The following COPE variants were observed in gnomAD, a reference collection of about 807,000 sequenced individuals.
COPE encodes the protein coat protein complex I subunit epsilon, also known as coatomer subunit epsilon.
In COPE, 19 loss-of-function variants were observed where a neutral mutation model predicts 42.1. The observed-to-expected ratio is 0.45, with a 90% CI of 0.31 to 0.66. COPE has a LOEUF of 0.66. Among genes scored for constraint, COPE ranks in the 30% least tolerant of loss-of-function variants. The probability of loss-of-function intolerance (pLI) is 0.05; values close to 1 mark genes in which losing one functional copy is unlikely to be tolerated. For synonymous variants in COPE, 195 were observed against 181.3 expected (o/e 1.08, Z -0.60); for missense variants, 402 against 416.1 (o/e 0.97, Z 0.30).
chr19:18,907,318 C>T (rs2056770134), intron 3 of COPE, among the ~76,000 whole-genome samples: 1 of 152,088 alleles, frequency 6.6e-6, no homozygotes, highest in African/African-American at 2.4e-5. Context: ...AGGCAAGGAC[C>T]CGAGGCCGGG....
In COPE at chr19:18,904,872, CAG is replaced by C; in HGVS notation, c.498-22_498-21del. On this transcript the variant is annotated intron_variant, in intron 5 of 9. Transcript: ENST00000262812. Reference sequence around the variant, plus strand: ...TCCTTCCTGGGGCGGGGACAGATGACAGAGGGGCTGAGTGGCCGAGGGCCCTG... The same window carrying C: ...TCCTTCCTGGGGCGGGGACAGATGACAGGGGCTGAGTGGCCGAGGGCCCTG... 2 of 1,551,170 alleles carry C rather than the reference CAG, an allele frequency of 1.3e-6. No homozygotes were observed. The highest frequency in any genetic ancestry group is 1.7e-6 in the Non-Finnish European group (2 of 1,146,692).
intron 3 of COPE, chr19:18,910,642 G>A (rs2056800712): frequency 6.1e-6 from 2 of 329,286 alleles, no homozygotes; most frequent in Non-Finnish European, 1.2e-5. Flanking sequence ...GCCCTGGGCT[G>A]TCTTGGGGCT....
chr19:18,906,086 G>A (rs1342820574), intron 4 of COPE: 2 of 400,854 alleles, frequency 5.0e-6, no homozygotes, highest in Non-Finnish European at 8.8e-6. Flanking sequence ...CTGTGACCAC[G>A]AATTACTCGT....
At chr19:18,903,605 A>C (rs2056730244) in intron 6 of COPE, among the ~76,000 whole-genome samples, 182 bp from the exon 7 acceptor site, 1 of 152,100 alleles carries the variant, frequency 6.6e-6, no homozygotes, top group African/African-American at 2.4e-5. Context: ...GATGGGGCCT[A>C]AAGACTCGTG....
chr19:18,902,391 G>C (rs150489436), intron 7 of COPE, among the ~76,000 whole-genome samples: 1 of 150,502 alleles, frequency 6.6e-6, no homozygotes, highest in African/African-American at 2.4e-5. Context: ...ATGGCCAGGC[G>C]TGGTGGCTCA....
chr19:18,906,039 G>A lies in COPE; in HGVS notation c.444-410C>T. 4 of 413,318 alleles carry A rather than the reference G, an allele frequency of 9.7e-6. No homozygotes were observed. The South Asian group carries it at 3.6e-4, about 37-fold the overall frequency. The allele number at this position is 413,318 out of a possible 1,614,324, so 25.6% of individuals were successfully genotyped here. A position where few individuals can be genotyped will look rare whatever the true frequency, so the allele number is the denominator to read the frequency against. ...CCCTGGGGCCACCCACTCTCTGCAG[G>A]CCCCCTCGTCCCCTCATCCCTCTCA... is the stretch of plus-strand genomic sequence containing the variant. On this transcript the variant is annotated intron_variant, in intron 4 of 9. Coordinates refer to ENST00000262812, the MANE Select transcript of COPE (RefSeq NM_007263.4).
At chr19:18,905,488 C>A in intron 5 of COPE, 88 bp downstream of exon 5, 2 of 1,310,528 alleles carry the variant, frequency 1.5e-6, no homozygotes, top group East Asian at 2.5e-5. Context: ...GTAATGACAG[C>A]ACCACAGACG....
rs1266358656 is a variant in COPE, at chr19:18,899,532, A to G, written c.*147T>C. 3 of 722,910 alleles carry G rather than the reference A, an allele frequency of 4.1e-6. No homozygotes were observed. The highest frequency in any genetic ancestry group is 7.0e-6 in the Non-Finnish European group (3 of 426,202). 44.8% of individuals were successfully genotyped at this position (722,910 alleles called of 1,614,324 possible). ...CACATCATCAGGTGGAACACCCTGG[A>G]GTTGAGATATTTATTAACAGATGGG... On this transcript the variant is annotated 3_prime_UTR_variant, in exon 10 of 10. Transcript: ENST00000262812.
At chr19:18,918,966 G>A (rs563814840) in intron 1 of COPE, among the ~76,000 whole-genome samples, 235 of 152,328 alleles carry the variant, frequency 1.5e-3, no homozygotes, top group South Asian at 3.1e-3. Flanking sequence ...TCACTACAGT[G>A]GCATAAACAC....
At chr19:18,919,103 G>C in intron 1 of COPE, 120 bp downstream of exon 1, 1 of 1,010,298 alleles carries the variant, frequency 9.9e-7, no homozygotes, top group Non-Finnish European at 1.5e-6. Context: ...TGTGGAAGAG[G>C]TGGCCCAAAA....
At chr19:18,900,501 T>C in intron 7 of COPE, 52 bp from the exon 8 acceptor site, 1 of 1,426,880 alleles carries the variant, frequency 7.0e-7, no homozygotes, top group African/African-American at 1.4e-5. Context: ...CCAGCCCCCA[T>C]GCCTGCCCGT....
In COPE at chr19:18,912,976, G is replaced by A. The variant is rs779132915; in HGVS notation, c.189+8C>T. 38 of 1,611,056 alleles carry A rather than the reference G, an allele frequency of 2.4e-5. No homozygotes were observed. Among genetic ancestry groups the A allele is most frequent in the Admixed American group, 1.3e-4 (8 of 59,992 alleles). Reference sequence around the variant, plus strand: ...TCACTCTTGCCCCCGGCCAAGGCCCGCACTCACCTGCGCCAGGTACGCTCT... The same window carrying A: ...TCACTCTTGCCCCCGGCCAAGGCCCACACTCACCTGCGCCAGGTACGCTCT... On this transcript the variant is annotated splice_region_variant and intron_variant, in intron 2 of 9. Transcript: ENST00000262812.
At chr19:18,917,134 C>T (rs539287942) in intron 1 of COPE, among the ~76,000 whole-genome samples, 21 of 150,716 alleles carry the variant, frequency 1.4e-4, no homozygotes, top group African/African-American at 2.4e-5. Flanking sequence ...CCCATCTCTG[C>T]TTCCATCATC....
At chr19:18,901,194 G>A (rs1446023058) in intron 7 of COPE, among the ~76,000 whole-genome samples, 3 of 152,226 alleles carry the variant, frequency 2.0e-5, no homozygotes, top group East Asian at 3.8e-4. Flanking sequence ...AGGGCCAAGG[G>A]GCACGGCCAG....
chr19:18,904,983 T>A, intron 5 of COPE, 131 bp from the exon 6 acceptor site: 1 of 881,458 alleles, frequency 1.1e-6, no homozygotes, highest in Non-Finnish European at 1.8e-6. Context: ...TGCATGCTCA[T>A]ACCCCACGAC....
At position 18,899,941 on chromosome 19, in the gene COPE, T is replaced by C; in HGVS notation, c.811A>G (p.Asn271Asp). 2 of 1,612,886 alleles carry C rather than the reference T, an allele frequency of 1.2e-6. No individual in the cohort carries two copies. The highest frequency in any genetic ancestry group is 2.2e-5 in the East Asian group (1 of 44,844). The change falls in exon 9 of 10, where the codon AAC becomes GAC. Residue 271 changes from asparagine to aspartate, a missense_variant. Transcript: ENST00000262812. ...QHLGKPPEVT[N>D]RYLSQLKDAH... ...TCCTTCAGCTGGGACAGGTATCGGT[T>C]TGTCACCTGCAGGGGAGGCAGGGAG...
Position 18,899,937 on chromosome 19 carries a change from C to T in COPE, c.815G>A (p.Arg272Gln), listed in dbSNP as rs368433016. Reference protein sequence around the residue: ...HLGKPPEVTNRYLSQLKDAHR... With the variant: ...HLGKPPEVTNQYLSQLKDAHR... ...GGCATCCTTCAGCTGGGACAGGTAT[C>T]GGTTTGTCACCTGCAGGGGAGGCAG... Residue 272 changes from arginine to glutamine, a missense_variant, in exon 9 of 10, where the codon CGA becomes CAA. Arg to Gln is a conservative substitution (Grantham distance 43, BLOSUM62 1). Transcript: ENST00000262812. 3.1e-6 allele frequency: 5 copies of T among 1,613,114 alleles called. No homozygotes were observed. The highest frequency in any genetic ancestry group is 2.2e-5 in the East Asian group (1 of 44,860).
At chr19:18,903,478 C>CG (rs2056729022) in intron 6 of COPE, 55 bp from the exon 7 acceptor site, 1 of 1,541,540 alleles carries the variant, frequency 6.5e-7, no homozygotes, top group Non-Finnish European at 8.8e-7. Flanking sequence ...GCCCTTCCCC[C>CG]GCCAGCCCCC....
chr19:18,909,048 C>T (rs929300322), intron 3 of COPE, among the ~76,000 whole-genome samples: 3 of 152,152 alleles, frequency 2.0e-5, no homozygotes, highest in Non-Finnish European at 2.9e-5. Flanking sequence ...GCTCCTTGTC[C>T]CCGGGGCGTC....
Sources: allele counts gnomAD v4.1 joint callset (sites outside exome capture counted in the v4.1 genomes callset), GRCh38; gene constraint gnomAD v4.1.1; transcripts MANE v1.5; gene names NCBI Gene and HGNC (gene_info 2026-07-23, HGNC 2026-07-21).